Variants in NTRK3 observed in about 807,000 individuals in gnomAD.
NTRK3 encodes neurotrophic receptor tyrosine kinase 3, also known as NT-3 growth factor receptor.
In NTRK3, 24 loss-of-function variants were observed where a neutral mutation model predicts 91.7. The observed-to-expected ratio is 0.26, with a 90% CI of 0.19 to 0.37. NTRK3 has a LOEUF of 0.37. Among genes scored for constraint, NTRK3 ranks in the 10% least tolerant of loss-of-function variants. The pLI, the probability that NTRK3 is intolerant of heterozygous loss-of-function variation, is 1.00. For missense variants in NTRK3, 880 were observed against 1,068.9 expected, an observed-to-expected ratio of 0.82 and a Z score of 2.46; for synonymous variants, 483 against 404.0, an observed-to-expected ratio of 1.20 and a Z score of -2.34.
chr15:88,147,260 C>T (rs2151310608), intron 6 of NTRK3, 75 bp downstream of exon 6: 2 of 1,372,898 alleles, frequency 1.5e-6, no homozygotes, highest in Non-Finnish European at 1.0e-6. Context: ...CAGGTGGTTC[C>T]ACTGCTTGAC....
intron 13 of NTRK3, among the ~76,000 whole-genome samples, chr15:88,087,536 A>AGTGTAG: frequency 6.6e-6 from 1 of 152,258 alleles, no homozygotes; most frequent in South Asian, 2.1e-4. Flanking sequence ...GTAGGCAGGA[A>AGTGTAG]CATTACCTGT....
chr15:88,049,425 G>A (rs1453379060), intron 13 of NTRK3, among the ~76,000 whole-genome samples: 2 of 152,062 alleles, frequency 1.3e-5, no homozygotes, highest in Admixed American at 6.5e-5. Context: ...GTTTTATAAT[G>A]GAATTTAAAA....
chr15:88,107,036 G>A (rs187568832), intron 13 of NTRK3, among the ~76,000 whole-genome samples: 143 of 97,582 alleles, frequency 1.5e-3, no homozygotes, highest in African/African-American at 7.5e-3. Context: ...TTACATATAT[G>A]TATTCACACA....
At chr15:88,061,039 C>G (rs2046169291) in intron 13 of NTRK3, among the ~76,000 whole-genome samples, 1 of 151,800 alleles carries the variant, frequency 6.6e-6, no homozygotes, top group South Asian at 2.1e-4. Flanking sequence ...CATCTACTTC[C>G]ATTTTTTCAG....
chr15:88,212,700 T>TCACACACACACACACACA (rs60620542), intron 3 of NTRK3, among the ~76,000 whole-genome samples: 3 of 146,120 alleles, frequency 2.1e-5, no homozygotes, highest in African/African-American at 5.2e-5. Flanking sequence ...GGCTGCTGCA[T>TCACACACACACACACACA]CACACACACA....
At chr15:88,239,784 T>A (rs2052145053) in intron 3 of NTRK3, among the ~76,000 whole-genome samples, 1 of 151,950 alleles carries the variant, frequency 6.6e-6, no homozygotes, top group Non-Finnish European at 1.5e-5. Flanking sequence ...TTCATAAAAA[T>A]GTTATGCAGA....
At chr15:88,181,168 T>A (rs576920817) in intron 5 of NTRK3, among the ~76,000 whole-genome samples, 3 of 152,134 alleles carry the variant, frequency 2.0e-5, no homozygotes, top group Non-Finnish European at 2.9e-5. Flanking sequence ...TAACAAGTAC[T>A]TTGGCAAGAG....
chr15:88,053,239 T>C (rs1161938193), intron 13 of NTRK3, among the ~76,000 whole-genome samples: 1 of 151,870 alleles, frequency 6.6e-6, no homozygotes, highest in East Asian at 1.9e-4. Flanking sequence ...GGGCAGAGAG[T>C]AATGAGGCTA....
intron 13 of NTRK3, among the ~76,000 whole-genome samples, chr15:88,075,249 T>C (rs2150576409): frequency 6.6e-6 from 1 of 152,324 alleles, no homozygotes; most frequent in South Asian, 2.1e-4. Context: ...CCCGAGGGCC[T>C]GAGCCACCAT....
chr15:88,136,159 T>A, intron 8 of NTRK3, 119 bp from the exon 9 acceptor site: 1 of 1,334,488 alleles, frequency 7.5e-7, no homozygotes, highest in East Asian at 2.3e-5. Context: ...GAAGGAGATC[T>A]TTGTGTGAAA....
At chr15:88,150,402 A>T (rs16941331) in intron 5 of NTRK3, among the ~76,000 whole-genome samples, 11 of 152,132 alleles carry the variant, frequency 7.2e-5, no homozygotes, top group African/African-American at 1.9e-4. Flanking sequence ...GGGCAAATAA[A>T]GACTAAGAAA....
intron 13 of NTRK3, among the ~76,000 whole-genome samples, chr15:88,101,242 T>G (rs2050141941): frequency 6.6e-6 from 1 of 152,210 alleles, no homozygotes; most frequent in African/African-American, 2.4e-5. Flanking sequence ...AAGACATTTA[T>G]GCAACCAAAA....
intron 14 of NTRK3, among the ~76,000 whole-genome samples, chr15:87,967,118 A>G (rs1033794592): frequency 2.0e-5 from 3 of 152,134 alleles, no homozygotes. Context: ...GATGCCCCAA[A>G]TATGTTTGAA....
At chr15:87,984,234 C>A (rs909758254) in intron 14 of NTRK3, among the ~76,000 whole-genome samples, 1 of 152,174 alleles carries the variant, frequency 6.6e-6, no homozygotes, top group Non-Finnish European at 1.5e-5. Context: ...TGAGCACCCA[C>A]CCCAGGCCAC....
At chr15:88,112,771 C>G (rs1230879530) in intron 13 of NTRK3, among the ~76,000 whole-genome samples, 2 of 152,204 alleles carry the variant, frequency 1.3e-5, no homozygotes, top group Non-Finnish European at 2.9e-5. Flanking sequence ...TGAGCTATTT[C>G]TATAGCAACA....
chr15:87,988,263 A>G (rs905800475), intron 14 of NTRK3, among the ~76,000 whole-genome samples: 2 of 152,236 alleles, frequency 1.3e-5, no homozygotes, highest in East Asian at 1.9e-4. Flanking sequence ...AAACCTGACC[A>G]TCAAGGTAAT....
At chr15:87,900,586 A>G (rs2066389208) in intron 17 of NTRK3, among the ~76,000 whole-genome samples, 2 of 152,138 alleles carry the variant, frequency 1.3e-5, no homozygotes, top group African/African-American at 4.8e-5. Flanking sequence ...AAATTGCATG[A>G]GCATAATTTT....
Position 87,863,994 on chromosome 15 carries a change from T to TACAC in NTRK3, c.*12937_*12940dup, listed in dbSNP as rs879080380. 1,151 of 218,352 alleles carry TACAC rather than the reference T, an allele frequency of 5.3e-3. 12 individuals are homozygous for TACAC. Among genetic ancestry groups the TACAC allele is most frequent in the African/African-American group, 0.022 (927 of 42,198 alleles). 13.5% of individuals were successfully genotyped at this position (218,352 alleles called of 1,614,324 possible). A position where few individuals can be genotyped will look rare whatever the true frequency, so the allele number is the denominator to read the frequency against. ...CAAAATACACACACACACACACACA[T>TACAC]ACACACACACACACACACACACACA... is the stretch of plus-strand genomic sequence containing the variant. On this transcript the variant is annotated 3_prime_UTR_variant, in exon 19 of 19. Transcript: ENST00000394480.
Position 87,967,024 on chromosome 15 carries a change from A to T in NTRK3, c.1586-26271T>A, listed in dbSNP as rs534347115. Among the ~76,000 whole-genome samples the T allele has an allele frequency of 2.0e-5, 3 of 152,358 alleles. No homozygotes were observed. The East Asian group carries it at 5.8e-4, about 29-fold the overall frequency. ...TAGGGGACAAGATCACCCCCAATTG[A>T]AAACCAGTGCAGGAGACAATAAAGC... On this transcript the variant is annotated intron_variant, in intron 14 of 18. Transcript: ENST00000394480.
Sources: gnomAD v4.1 joint callset for allele counts (sites outside exome capture counted in the v4.1 genomes callset) on GRCh38, gnomAD v4.1.1 for gene constraint, MANE v1.5 for transcripts, NCBI Gene and HGNC (gene_info 2026-07-23, HGNC 2026-07-21) for gene names.